PRKG1: variants seen among roughly 807,000 people sequenced by gnomAD.
The protein encoded by PRKG1 is cGMP-dependent protein kinase 1.
PRKG1 carries 35 observed loss-of-function variants against 88.1 expected under a neutral mutation model. The ratio of observed to expected loss-of-function variants is 0.40; its 90% CI spans 0.30 to 0.53. The LOEUF (loss-of-function observed/expected upper bound fraction) is 0.53, where lower values mean the gene tolerates loss of function less well. PRKG1 is among the 20% of genes least tolerant of loss of function. The pLI, the probability that PRKG1 is intolerant of heterozygous loss-of-function variation, is 0.59. For missense variants in PRKG1, 540 were observed against 839.8 expected, an observed-to-expected ratio of 0.64 and a Z score of 4.41; for synonymous variants, 303 against 292.5, an observed-to-expected ratio of 1.04 and a Z score of -0.37.
At chr10:51,938,457 A>C (rs1842841020) in intron 5 of PRKG1, among the ~76,000 whole-genome samples, 1 of 151,918 alleles carries the variant, frequency 6.6e-6, no homozygotes, top group African/African-American at 2.4e-5. Context: ...TCTGAACCTA[A>C]ATGTGGTTTA....
intron 3 of PRKG1, among the ~76,000 whole-genome samples, chr10:51,564,302 G>T (rs1745888801): frequency 6.6e-6 from 1 of 152,036 alleles, no homozygotes; most frequent in African/African-American, 2.4e-5. Flanking sequence ...TATATAAGGA[G>T]ATTGTATTCT....
chr10:52,035,245 T>A (rs540200620), intron 5 of PRKG1, among the ~76,000 whole-genome samples: 1 of 152,236 alleles, frequency 6.6e-6, no homozygotes, highest in South Asian at 2.1e-4. Flanking sequence ...ATTTTAGTTA[T>A]CTGACTCAGG....
At chr10:52,188,279 CATAT>C (rs1429310173) in intron 9 of PRKG1, among the ~76,000 whole-genome samples, 2 of 107,322 alleles carry the variant, frequency 1.9e-5, no homozygotes, top group Admixed American at 1.0e-4. Flanking sequence ...TATATATATA[CATAT>C]ATATGTGTAT....
intron 4 of PRKG1, among the ~76,000 whole-genome samples, chr10:51,901,955 G>A (rs757787570): frequency 6.6e-6 from 1 of 151,916 alleles, no homozygotes; most frequent in Non-Finnish European, 1.5e-5. Flanking sequence ...CATACTTATG[G>A]AGTACATGTG....
At chr10:52,168,847 T>G (rs1450049086) in intron 9 of PRKG1, among the ~76,000 whole-genome samples, 1 of 152,124 alleles carries the variant, frequency 6.6e-6, no homozygotes, top group African/African-American at 2.4e-5. Flanking sequence ...AGTGACAGAA[T>G]TCACTAAGGT....
chr10:51,464,822 C>T (rs1171448542), intron 2 of PRKG1, among the ~76,000 whole-genome samples: 5 of 140,688 alleles, frequency 3.6e-5, no homozygotes, highest in African/African-American at 5.3e-5. Flanking sequence ...ACCCGGGAGG[C>T]GGAGCTTGCA....
intron 3 of PRKG1, among the ~76,000 whole-genome samples, chr10:51,621,279 A>G (rs1165150910): frequency 2.0e-5 from 3 of 151,890 alleles, no homozygotes; most frequent in Non-Finnish European, 4.4e-5. Flanking sequence ...AAGAGTTTTG[A>G]AATTATATGT....
chr10:52,036,840 C>A (rs1845625496), intron 5 of PRKG1, among the ~76,000 whole-genome samples: 1 of 152,016 alleles, frequency 6.6e-6, no homozygotes, highest in African/African-American at 2.4e-5. Flanking sequence ...GGTTTAGAAG[C>A]CTGGCCGTCA....
chr10:52,060,193 G>T (rs1194594079), intron 6 of PRKG1, among the ~76,000 whole-genome samples: 1 of 151,698 alleles, frequency 6.6e-6, no homozygotes, highest in Non-Finnish European at 1.5e-5. Flanking sequence ...CACAACAATT[G>T]GTTATGCATA....
chr10:51,520,639 C>T (rs1034794120), intron 3 of PRKG1, among the ~76,000 whole-genome samples: 5 of 151,942 alleles, frequency 3.3e-5, no homozygotes, highest in Non-Finnish European at 5.9e-5. Flanking sequence ...ACAATGATAG[C>T]TAGAGGAAAC....
At chr10:51,960,160 C>T (rs147718829) in intron 5 of PRKG1, among the ~76,000 whole-genome samples, 133 of 147,646 alleles carry the variant, frequency 9.0e-4, no homozygotes, top group South Asian at 1.5e-3. Context: ...AGAAAACAAA[C>T]AAAAACATTG....
At chr10:51,438,119 T>A (rs1423161727) in intron 2 of PRKG1, among the ~76,000 whole-genome samples, 5 of 151,750 alleles carry the variant, frequency 3.3e-5, no homozygotes, top group Non-Finnish European at 7.4e-5. Flanking sequence ...GATTTGCATA[T>A]GCATTAATGT....
At chr10:51,742,654 A>T (rs1315669897) in intron 3 of PRKG1, among the ~76,000 whole-genome samples, 2 of 152,164 alleles carry the variant, frequency 1.3e-5, no homozygotes, top group East Asian at 3.9e-4. Flanking sequence ...TACCTGGGTC[A>T]TGTTGAATTT....
In PRKG1 at chr10:51,078,590, A is replaced by ATTTT. The variant is rs1554834242; in HGVS notation, c.311+3690_311+3691insTTTT. 3.6e-5 allele frequency among the ~76,000 whole-genome samples: 5 copies of ATTTT among 137,310 alleles called. No individual in the cohort carries two copies. In the East Asian group the frequency reaches 8.4e-4, roughly 23 times the overall value. The allele number at this position is 137,310 out of a possible 152,430, so 90.1% of individuals were successfully genotyped here. On this transcript the variant is annotated intron_variant, in intron 1 of 17. Coordinates refer to ENST00000373980, the MANE Select transcript of PRKG1 (RefSeq NM_006258.4). ...GAGTTGAGGATAAAAATATTTATTT[A>ATTTT]TATTTATTTATTTATTTATTTATTT...
At chr10:51,653,318 A>G (rs1005546229) in intron 3 of PRKG1, among the ~76,000 whole-genome samples, 2 of 152,142 alleles carry the variant, frequency 1.3e-5, no homozygotes, top group Non-Finnish European at 2.9e-5. Flanking sequence ...GCCAATCTAC[A>G]TTCCCACAAA....
At chr10:51,787,485 C>T (rs953504354) in intron 3 of PRKG1, among the ~76,000 whole-genome samples, 3 of 152,138 alleles carry the variant, frequency 2.0e-5, no homozygotes. Flanking sequence ...TTACATTACC[C>T]AGCATGGTAG....
chr10:51,874,509 A>G (rs1841243449), intron 4 of PRKG1, among the ~76,000 whole-genome samples: 1 of 152,198 alleles, frequency 6.6e-6, no homozygotes, highest in Non-Finnish European at 1.5e-5. Context: ...GTTGATGCAT[A>G]CTGTACGTTC....
At chr10:51,490,949 G>C (rs1220634927) in intron 3 of PRKG1, among the ~76,000 whole-genome samples, 1 of 151,972 alleles carries the variant, frequency 6.6e-6, no homozygotes, top group Non-Finnish European at 1.5e-5. Flanking sequence ...ACTTGAAATG[G>C]AAGAAAGGGT....
At chr10:52,137,911 A>G (rs1429381845) in intron 8 of PRKG1, among the ~76,000 whole-genome samples, 1 of 152,124 alleles carries the variant, frequency 6.6e-6, no homozygotes, top group Non-Finnish European at 1.5e-5. Context: ...TAAAAGTTCT[A>G]TTAAGATAAT....
Sources: allele counts gnomAD v4.1 joint callset (sites outside exome capture counted in the v4.1 genomes callset), GRCh38; gene constraint gnomAD v4.1.1; transcripts MANE v1.5; gene names NCBI Gene and HGNC (gene_info 2026-07-23, HGNC 2026-07-21).